The following LINGO2 variants were observed in gnomAD, a reference collection of about 807,000 sequenced individuals.
LINGO2 encodes the protein leucine-rich repeat and immunoglobulin-like domain-containing nogo receptor-interacting protein 2.
In LINGO2, 14 loss-of-function variants were observed where a neutral mutation model predicts 30.6. That is an observed-to-expected ratio of 0.46 (90% CI 0.30 to 0.72). The LOEUF is 0.72. Among genes scored for constraint, LINGO2 ranks in the 30% least tolerant of loss-of-function variants. The pLI is 0.07. For synonymous variants in LINGO2, 317 were observed against 288.5 expected (o/e 1.10, Z -1.00); for missense variants, 729 against 751.7 (o/e 0.97, Z 0.35).
the LINGO2 span, among the ~76,000 whole-genome samples, chr9:29,082,840 C>G: frequency 6.6e-6 from 1 of 152,148 alleles, no homozygotes; most frequent in Non-Finnish European, 1.5e-5. Flanking sequence ...AAATGCTCAT[C>G]ATCACTGGCC....
the LINGO2 span, among the ~76,000 whole-genome samples, chr9:28,865,654 T>A: frequency 6.6e-6 from 1 of 152,052 alleles, no homozygotes; most frequent in Admixed American, 6.6e-5. Flanking sequence ...CATAGTGGCT[T>A]GCGCCTGTAG....
At chr9:28,863,923 G>A in the LINGO2 span, among the ~76,000 whole-genome samples, 1 of 151,914 alleles carries the variant, frequency 6.6e-6, no homozygotes, top group Non-Finnish European at 1.5e-5. Flanking sequence ...TTATATACCA[G>A]TAAATTTCAT....
chr9:28,769,749 C>T, the LINGO2 span, among the ~76,000 whole-genome samples: 1 of 149,946 alleles, frequency 6.7e-6, no homozygotes, highest in South Asian at 2.1e-4. Context: ...TCAGACATTC[C>T]TATCATGCAT....
Position 28,110,649 on chromosome 9 carries a change from T to C in LINGO2, c.-86-98244A>G, listed in dbSNP as rs141010078. On this transcript the variant is annotated intron_variant, in intron 4 of 5. Coordinates refer to ENST00000379992, the Ensembl canonical transcript of LINGO2. ...TAACGTATGAAAAACTCATCATCAC[T>C]GACCATCAGAGAAATGCAAATCAAA... 2.6e-5 allele frequency among the ~76,000 whole-genome samples: 4 copies of C among 152,296 alleles called. No homozygotes were observed. The East Asian group carries it at 7.7e-4, about 29-fold the overall frequency.
chr9:28,775,807 G>C, the LINGO2 span, among the ~76,000 whole-genome samples: 2 of 152,056 alleles, frequency 1.3e-5, no homozygotes, highest in Non-Finnish European at 2.9e-5. Flanking sequence ...CTAAATTTGG[G>C]GAAAATATAC....
At chr9:29,125,503 A>T in the LINGO2 span, among the ~76,000 whole-genome samples, 9 of 152,268 alleles carry the variant, frequency 5.9e-5, no homozygotes, top group South Asian at 1.9e-3. Context: ...TTCCCTGACA[A>T]AATTTGATAA....
At chr9:28,752,775 G>A in the LINGO2 span, among the ~76,000 whole-genome samples, 1 of 151,934 alleles carries the variant, frequency 6.6e-6, no homozygotes, top group Non-Finnish European at 1.5e-5. Context: ...AAGATTGTTT[G>A]GGCTTTATAC....
At chr9:28,393,746 C>T (rs534472123) in intron 2 of LINGO2, among the ~76,000 whole-genome samples, 3 of 152,262 alleles carry the variant, frequency 2.0e-5, no homozygotes, top group African/African-American at 7.2e-5. Flanking sequence ...TCTTTCTGCT[C>T]GATGTCTTTC....
chr9:28,981,594 G>C, the LINGO2 span, among the ~76,000 whole-genome samples: 2 of 152,092 alleles, frequency 1.3e-5, no homozygotes, highest in Admixed American at 1.3e-4. Flanking sequence ...ACTGAACAGA[G>C]TACTAACATG....
At chr9:28,886,263 A>G in the LINGO2 span, among the ~76,000 whole-genome samples, 1 of 152,270 alleles carries the variant, frequency 6.6e-6, no homozygotes, top group East Asian at 1.9e-4. Flanking sequence ...GAAAGACATT[A>G]TTGGCTAACA....
intron 4 of LINGO2, among the ~76,000 whole-genome samples, chr9:28,288,486 A>G (rs764374718): frequency 2.0e-5 from 3 of 152,120 alleles, no homozygotes; most frequent in Non-Finnish European, 2.9e-5. Flanking sequence ...TATGTCATTA[A>G]AGCTCTCAGT....
chr9:28,550,234 T>A (rs1188551443), intron 1 of LINGO2, among the ~76,000 whole-genome samples: 1 of 151,910 alleles, frequency 6.6e-6, no homozygotes, highest in Non-Finnish European at 1.5e-5. Context: ...ATTCTTATTA[T>A]TCCAACATAC....
chr9:28,307,113 A>C (rs1021328034), intron 3 of LINGO2, among the ~76,000 whole-genome samples: 1 of 152,124 alleles, frequency 6.6e-6, no homozygotes, highest in Non-Finnish European at 1.5e-5. Flanking sequence ...AAAGCCCGGC[A>C]GAGACACAAC....
At chr9:28,733,220 A>G in the LINGO2 span, among the ~76,000 whole-genome samples, 1 of 151,008 alleles carries the variant, frequency 6.6e-6, no homozygotes, top group Non-Finnish European at 1.5e-5. Flanking sequence ...GGAGGGGGGT[A>G]AAAAAAAAGG....
chr9:27,955,944 T>TTC (rs1819543279), intron 5 of LINGO2, among the ~76,000 whole-genome samples: 1 of 135,034 alleles, frequency 7.4e-6, no homozygotes, highest in East Asian at 2.0e-4. Flanking sequence ...ACTTTTTTTT[T>TTC]TTTTTTTTTT....
chr9:28,320,857 C>T (rs1825015889), intron 3 of LINGO2, among the ~76,000 whole-genome samples: 1 of 152,116 alleles, frequency 6.6e-6, no homozygotes, highest in South Asian at 2.1e-4. Flanking sequence ...CCTGTTTTAT[C>T]ATGGCAGGAC....
At chr9:28,862,253 G>A in the LINGO2 span, among the ~76,000 whole-genome samples, 1 of 151,968 alleles carries the variant, frequency 6.6e-6, no homozygotes, top group Non-Finnish European at 1.5e-5. Context: ...GAAAAATAAG[G>A]TTACATATGT....
the LINGO2 span, among the ~76,000 whole-genome samples, chr9:28,985,874 C>G: frequency 6.6e-6 from 1 of 152,026 alleles, no homozygotes; most frequent in African/African-American, 2.4e-5. Context: ...GACCTAATCC[C>G]ATTTGTCTAT....
At chr9:28,814,635 C>G in the LINGO2 span, among the ~76,000 whole-genome samples, 2 of 152,286 alleles carry the variant, frequency 1.3e-5, no homozygotes, top group East Asian at 3.9e-4. Flanking sequence ...CGCCTGTAAT[C>G]CCAGCACTTT....
Sources: allele counts gnomAD v4.1 joint callset (sites outside exome capture counted in the v4.1 genomes callset), GRCh38; gene constraint gnomAD v4.1.1; transcripts MANE v1.5; gene names NCBI Gene and HGNC (gene_info 2026-07-23, HGNC 2026-07-21).